The following NOS1AP variants were observed in gnomAD, a reference collection of about 807,000 sequenced individuals.
The protein encoded by NOS1AP is carboxyl-terminal PDZ ligand of neuronal nitric oxide synthase protein.
In NOS1AP, 21 loss-of-function variants were observed where a neutral mutation model predicts 56.2. That is an observed-to-expected ratio of 0.37 (90% confidence interval 0.26 to 0.54). The LOEUF is 0.54. NOS1AP is among the 20% of genes least tolerant of loss of function. NOS1AP has a pLI of 0.84. For synonymous variants in NOS1AP, 270 were observed against 274.6 expected, an observed-to-expected ratio of 0.98 and a Z score of 0.17; for missense variants, 522 against 657.8, an observed-to-expected ratio of 0.79 and a Z score of 2.26.
intron 2 of NOS1AP, among the ~76,000 whole-genome samples, chr1:162,191,734 C>T (rs1450519848): frequency 6.6e-6 from 1 of 151,632 alleles, no homozygotes; most frequent in African/African-American, 2.4e-5. Context: ...TGTAGTTGAC[C>T]TCTTTGTGTT....
At chr1:162,133,388 G>A (rs10494367) in intron 1 of NOS1AP, among the ~76,000 whole-genome samples, 36,375 of 151,974 alleles carry the variant, frequency 0.24, 8,215 homozygotes, top group African/African-American at 0.6. Flanking sequence ...TATCATACCC[G>A]TCTTGGTTAC....
At chr1:162,072,186 A>G (rs1691675308) in intron 1 of NOS1AP, among the ~76,000 whole-genome samples, 1 of 152,224 alleles carries the variant, frequency 6.6e-6, no homozygotes, top group African/African-American at 2.4e-5. Flanking sequence ...CCTAGTGTGC[A>G]TAAGAATAAT....
At position 162,367,837 on chromosome 1, in the gene NOS1AP, TC is replaced by T; in HGVS notation, c.*371del. On this transcript the variant is annotated 3_prime_UTR_variant, in exon 10 of 10. Transcript: ENST00000361897. This position sits in a 1 kb window ranked among gnomAD's most constrained non-coding sequence, Gnocchi z 6.5. ...TTGTCCGTGATGCCCCCCTACCCCC[TC>T]ACTCTCCCCGTCTCCATGGTCCCGA... 1 of 224,970 alleles carries T rather than the reference TC, an allele frequency of 4.4e-6. No homozygotes were observed. Among genetic ancestry groups the T allele is most frequent in the Non-Finnish European group, 8.8e-6 (1 of 113,106 alleles). 13.9% of individuals were successfully genotyped at this position (224,970 alleles called of 1,614,324 possible).
At chr1:162,260,584 T>C (rs1654176345) in intron 2 of NOS1AP, among the ~76,000 whole-genome samples, 2 of 152,240 alleles carry the variant, frequency 1.3e-5, no homozygotes, top group Non-Finnish European at 2.9e-5. Context: ...TGTAACTAAT[T>C]GATCAGAACT....
At chr1:162,073,744 A>T (rs934245483) in intron 1 of NOS1AP, among the ~76,000 whole-genome samples, 3 of 152,202 alleles carry the variant, frequency 2.0e-5, no homozygotes, top group Non-Finnish European at 4.4e-5. Context: ...ACAGGCGTGA[A>T]CCACTGCGCC....
In NOS1AP at chr1:162,261,303, T is replaced by G. The variant is rs1424008263; in HGVS notation, c.178-26041T>G. 2.2e-5 allele frequency among the ~76,000 whole-genome samples: 3 copies of G among 137,878 alleles called. 1 individual carries two copies. Among genetic ancestry groups the G allele is most frequent in the Non-Finnish European group, 4.6e-5 (3 of 65,278 alleles). 90.5% of individuals were successfully genotyped at this position (137,878 alleles called of 152,430 possible). Reference sequence around the variant, plus strand: ...ATATTTTATAACCTTTCATGTCCCCTTGTTCTTAAACAATATCCTGATGTT... The same window carrying G: ...ATATTTTATAACCTTTCATGTCCCCGTGTTCTTAAACAATATCCTGATGTT... On this transcript the variant is annotated intron_variant, in intron 2 of 9. Coordinates refer to ENST00000361897, the MANE Select transcript of NOS1AP (RefSeq NM_014697.3).
intron 2 of NOS1AP, among the ~76,000 whole-genome samples, chr1:162,213,237 C>T (rs960855101): frequency 6.6e-5 from 10 of 152,140 alleles, no homozygotes; most frequent in Non-Finnish European, 1.5e-4. Context: ...ATTTAAATAC[C>T]CCAGCAACTC....
intron 2 of NOS1AP, among the ~76,000 whole-genome samples, chr1:162,208,024 G>A (rs1034888261): frequency 6.6e-6 from 1 of 152,180 alleles, no homozygotes; most frequent in Non-Finnish European, 1.5e-5. Context: ...GGAGATGAAG[G>A]TATGTAGACT....
chr1:162,351,373 A>AT lies in NOS1AP; in HGVS notation c.596-3808dup, dbSNP rs745824948. ...CCCAATTCTACATTAACTCAGGAGT[A>AT]TTTTTTCATTTTTGCCCTATGACAC... On this transcript the variant is annotated intron_variant, in intron 6 of 9. Coordinates refer to ENST00000361897, the MANE Select transcript of NOS1AP (RefSeq NM_014697.3). 5.9e-4 allele frequency among the ~76,000 whole-genome samples: 90 copies of AT among 152,168 alleles called. 1 individual carries two copies. Among genetic ancestry groups the AT allele is most frequent in the Admixed American group, 1.9e-3 (29 of 15,278 alleles).
rs117051515 is a variant in NOS1AP, at chr1:162,166,510, C to G, written c.177+12034C>G. On this transcript the variant is annotated intron_variant, in intron 2 of 9. Transcript: ENST00000361897. ...AAACCTCAGCCCAACTTCTGCTTAT[C>G]TTCCAGAGCCTATTTGAGCTTTCAT... 1.3e-3 allele frequency among the ~76,000 whole-genome samples: 196 copies of G among 152,298 alleles called. 3 individuals are homozygous for G. In the East Asian group the frequency reaches 0.036, roughly 28 times the overall value.
chr1:162,171,358 TTCTC>T (rs1650772229), intron 2 of NOS1AP, among the ~76,000 whole-genome samples: 1 of 152,124 alleles, frequency 6.6e-6, no homozygotes, highest in South Asian at 2.1e-4. Flanking sequence ...GCACATGACT[TTCTC>T]TCCCCTTGCT....
At chr1:162,311,706 A>G (rs1214123218) in intron 4 of NOS1AP, among the ~76,000 whole-genome samples, 2 of 147,866 alleles carry the variant, frequency 1.4e-5, no homozygotes, top group Non-Finnish European at 3.0e-5. Context: ...AGCATTAGGT[A>G]TATCTCCCGA....
chr1:162,101,476 A>G (rs985030020), intron 1 of NOS1AP, among the ~76,000 whole-genome samples: 17 of 152,192 alleles, frequency 1.1e-4, no homozygotes, highest in African/African-American at 4.1e-4. Flanking sequence ...GAAGAATGTC[A>G]ATGGTAGTTT....
chr1:162,152,286 G>C (rs924657533), intron 1 of NOS1AP, among the ~76,000 whole-genome samples: 1 of 152,180 alleles, frequency 6.6e-6, no homozygotes, highest in African/African-American at 2.4e-5. Context: ...GACCTTTCTC[G>C]GTCCTGTGGC....
At chr1:162,310,795 A>G (rs1273433107) in intron 4 of NOS1AP, among the ~76,000 whole-genome samples, 1 of 151,934 alleles carries the variant, frequency 6.6e-6, no homozygotes, top group Non-Finnish European at 1.5e-5. Context: ...CTCACTTTCC[A>G]TAGGTGACCC....
At chr1:162,315,830 C>T (rs142328961) in intron 4 of NOS1AP, among the ~76,000 whole-genome samples, 174 of 152,286 alleles carry the variant, frequency 1.1e-3, no homozygotes, top group African/African-American at 4.1e-3. Flanking sequence ...TGATTTCATC[C>T]CTACCCCCAC....
chr1:162,124,729 G>T (rs1276101755), intron 1 of NOS1AP, among the ~76,000 whole-genome samples: 1 of 152,014 alleles, frequency 6.6e-6, no homozygotes, highest in African/African-American at 2.4e-5. Flanking sequence ...TGCCATGTTG[G>T]GCAGCCTGGT....
intron 2 of NOS1AP, among the ~76,000 whole-genome samples, chr1:162,262,889 A>G (rs1654284923): frequency 1.3e-5 from 2 of 152,326 alleles, no homozygotes; most frequent in African/African-American, 4.8e-5. Context: ...TGATTTTCAA[A>G]AGAATTGCTT....
intron 2 of NOS1AP, among the ~76,000 whole-genome samples, chr1:162,247,578 A>G (rs1344422465): frequency 6.6e-6 from 1 of 152,202 alleles, no homozygotes; most frequent in East Asian, 1.9e-4. Flanking sequence ...GGACTGGGGT[A>G]ATAGCAATAT....
Sources: gnomAD v4.1 joint callset for allele counts (sites outside exome capture counted in the v4.1 genomes callset) on GRCh38, gnomAD v4.1.1 for gene constraint, Gnocchi (gnomAD v3.1) non-coding constraint, MANE v1.5 for transcripts, NCBI Gene and HGNC (gene_info 2026-07-23, HGNC 2026-07-21) for gene names.